Variants in PADI2 observed in about 807,000 individuals in gnomAD.
The protein encoded by PADI2 is peptidyl arginine deiminase 2, also known as protein-arginine deiminase type-2.
In PADI2, 70 loss-of-function variants were observed where a neutral mutation model predicts 81.1. That is an observed-to-expected ratio of 0.86 (90% confidence interval 0.71 to 1.05). The LOEUF is 1.05. Ranked by LOEUF, PADI2 falls within the 50% of genes least tolerant of loss-of-function variation. PADI2 has a pLI of 0.00. For synonymous variants in PADI2, 338 were observed against 358.0 expected (o/e 0.94, Z 0.63); for missense variants, 853 against 889.9 (o/e 0.96, Z 0.53).
chr1:17,097,372 T>C (rs991291504), intron 3 of PADI2, among the ~76,000 whole-genome samples: 1 of 152,208 alleles, frequency 6.6e-6, no homozygotes, highest in Non-Finnish European at 1.5e-5. Flanking sequence ...ACCCTAGACC[T>C]GCATGTGACT....
At chr1:17,110,491 C>CA (rs141074518) in intron 1 of PADI2, among the ~76,000 whole-genome samples, 3,887 of 151,972 alleles carry the variant, frequency 0.026, 191 homozygotes, top group African/African-American at 0.086. Context: ...AACGAACAAA[C>CA]AAAAAAAACC....
chr1:17,070,861 C>T (rs1314612387), intron 14 of PADI2, among the ~76,000 whole-genome samples: 1 of 152,200 alleles, frequency 6.6e-6, no homozygotes, highest in Non-Finnish European at 1.5e-5. Context: ...GGGGTTTCAA[C>T]ATGTTGGGCA....
At position 17,069,294 on chromosome 1, in the gene PADI2, C is replaced by T. The variant is rs553136582; in HGVS notation, c.1765-17G>A. The T allele has an allele frequency of 5.6e-6, 9 of 1,594,462 alleles. No homozygotes were observed. The highest frequency in any genetic ancestry group is 3.3e-5 in the Admixed American group (2 of 59,948). ...CATGTTCACCTGTGACGGGGGATTG[C>T]GATGGCAACAGCTTCCATTTAGTGA... is the stretch of plus-strand genomic sequence containing the variant. On this transcript the variant is annotated splice_polypyrimidine_tract_variant and intron_variant, in intron 15 of 15. Coordinates refer to ENST00000375486, the MANE Select transcript of PADI2 (RefSeq NM_007365.3).
intron 1 of PADI2, among the ~76,000 whole-genome samples, chr1:17,118,795 A>G (rs1931844149): frequency 6.6e-6 from 1 of 152,188 alleles, no homozygotes; most frequent in Admixed American, 6.5e-5. Flanking sequence ...GGCCGGATTC[A>G]GCCTCAGGGC....
chr1:17,118,045 T>C (rs1021363914), intron 1 of PADI2, among the ~76,000 whole-genome samples: 1 of 152,044 alleles, frequency 6.6e-6, no homozygotes. Context: ...CTGGGGCTTG[T>C]TGGTATCAGC....
chr1:17,117,896 C>T (rs1355666539), intron 1 of PADI2, among the ~76,000 whole-genome samples: 1 of 152,196 alleles, frequency 6.6e-6, no homozygotes, highest in Non-Finnish European at 1.5e-5. Context: ...GAGCCTGGAC[C>T]ACCCTCCACT....
chr1:17,075,407 CTT>C (rs1281506329), intron 12 of PADI2: 1 of 417,060 alleles, frequency 2.4e-6, no homozygotes, highest in Non-Finnish European at 4.3e-6. Context: ...TGAGTAAAAT[CTT>C]TGCCAGATTT....
intron 11 of PADI2, 54 bp from the exon 12 acceptor site, chr1:17,075,877 C>T (rs2078298768): frequency 6.4e-7 from 1 of 1,572,604 alleles, no homozygotes; most frequent in Non-Finnish European, 8.7e-7. Flanking sequence ...ACCAGAGGGC[C>T]TGCAAGAGGA....
rs1557775231 is a variant in PADI2, at chr1:17,115,166, G to A, written c.92+4114C>T. Among the ~76,000 whole-genome samples, 1 of 152,206 alleles carries A rather than the reference G, an allele frequency of 6.6e-6. No individual in the cohort carries two copies. Among genetic ancestry groups the A allele is most frequent in the Non-Finnish European group, 1.5e-5 (1 of 68,038 alleles). Reference sequence around the variant, plus strand: ...TACCTTCTTCCTATCTTCTGCCAGCGAGTTATGGGCAAATTATTACTATTT... The same window carrying A: ...TACCTTCTTCCTATCTTCTGCCAGCAAGTTATGGGCAAATTATTACTATTT... On this transcript the variant is annotated intron_variant, in intron 1 of 15. Coordinates refer to ENST00000375486, the MANE Select transcript of PADI2 (RefSeq NM_007365.3). The surrounding 1 kb of genome is among the most constrained non-coding windows in gnomAD (Gnocchi z 4.1).
At chr1:17,080,846 C>T (rs1050979418) in intron 10 of PADI2, among the ~76,000 whole-genome samples, 20 of 152,162 alleles carry the variant, frequency 1.3e-4, no homozygotes, top group Non-Finnish European at 1.9e-4. Context: ...CCAGTGGAGT[C>T]GGAGGATGTG....
intron 5 of PADI2, among the ~76,000 whole-genome samples, chr1:17,093,099 T>C (rs1449175503): frequency 6.6e-6 from 1 of 151,966 alleles, no homozygotes; most frequent in Non-Finnish European, 1.5e-5. Context: ...CTTCTTCTTC[T>C]TCTTTTTTTT....
At chr1:17,072,175 G>T (rs1175623041) in intron 13 of PADI2, among the ~76,000 whole-genome samples, 1 of 152,246 alleles carries the variant, frequency 6.6e-6, no homozygotes, top group Non-Finnish European at 1.5e-5. Context: ...TTGGTGTGCA[G>T]ATCAGGCAGT....
chr1:17,071,482 C>T lies in PADI2; in HGVS notation c.1559G>A (p.Gly520Glu). Residue 520 changes from glycine (G) to glutamate (E), a missense_variant, in exon 14 of 16, where the codon GGG becomes GAG. By Grantham distance (98) the Gly-to-Glu change is moderately conservative. Transcript: ENST00000375486. The stretch of plus-strand genomic sequence containing the variant: ...GATGGTGATTCGCTTGCTGCTCATC[C>T]CACCCAAGCCTGTGGGGTTCAAAGG... ...GEAIMFKGLG[G>E]MSSKRITINK... 6.2e-7 allele frequency: 1 copy of T among 1,613,774 alleles called. No individual in the cohort carries two copies. Among genetic ancestry groups the T allele is most frequent in the Non-Finnish European group, 8.5e-7 (1 of 1,179,674 alleles).
chr1:17,094,010 G>T lies in PADI2; in HGVS notation c.412-326C>A, dbSNP rs548762290. Among the ~76,000 whole-genome samples the T allele has an allele frequency of 2.6e-5, 4 of 152,188 alleles. No individual in the cohort carries two copies. In the East Asian group the frequency reaches 5.8e-4, roughly 22 times the overall value. On this transcript the variant is annotated intron_variant, in intron 4 of 15. Transcript: ENST00000375486. ...ATGAGCAGACAGACATTCTACCATG[G>T]GTCCCTAGGTCCCTAGGGGAGCTCA...
At chr1:17,090,057 C>T (rs1930629280) in intron 6 of PADI2, among the ~76,000 whole-genome samples, 1 of 152,130 alleles carries the variant, frequency 6.6e-6, no homozygotes, top group Non-Finnish European at 1.5e-5. Context: ...GAGGTAAGGC[C>T]CCAGTGCTTG....
intron 5 of PADI2, among the ~76,000 whole-genome samples, chr1:17,093,049 T>C (rs1438929623): frequency 6.6e-6 from 1 of 152,128 alleles, no homozygotes; most frequent in Non-Finnish European, 1.5e-5. Context: ...ATTAACCTTT[T>C]GGGAATTTCC....
Position 17,069,208 on chromosome 1 carries a change from A to C in PADI2, c.1834T>G (p.Cys612Gly). The change falls in exon 16 of 16, where the codon TGC becomes GGC. Residue 612 changes from cysteine (C) to glycine (G), a missense_variant. Physicochemically the swap from Cys to Gly is radical, Grantham distance 159 (BLOSUM62 -3). Coordinates refer to ENST00000375486, the MANE Select transcript of PADI2 (RefSeq NM_007365.3). Reference protein sequence around the residue: ...KPFGPQVEEECCLEMHVRGLL... With the variant: ...KPFGPQVEEEGCLEMHVRGLL... ...CCACGCACGTGCATCTCCAGGCAGC[A>C]TTCCTCCTCAACCTGTGGCCCGAAT... 6.2e-7 allele frequency: 1 copy of C among 1,614,236 alleles called. No individual in the cohort carries two copies. Among genetic ancestry groups the C allele is most frequent in the South Asian group, 1.1e-5 (1 of 91,088 alleles).
At chr1:17,111,481 G>C (rs920194459) in intron 1 of PADI2, among the ~76,000 whole-genome samples, 9 of 152,102 alleles carry the variant, frequency 5.9e-5, no homozygotes, top group Non-Finnish European at 1.2e-4. Context: ...GCCCCAGTCT[G>C]GGGTTCAAGG....
chr1:17,083,753 G>A lies in PADI2; in HGVS notation c.1023C>T (p.Tyr341=). 6.2e-7 allele frequency: 1 copy of A among 1,612,922 alleles called. No homozygotes were observed. Among genetic ancestry groups the A allele is most frequent in the South Asian group, 1.1e-5 (1 of 91,064 alleles). The change falls in exon 9 of 16, where the codon TAC becomes TAT. Residue 341 remains tyrosine, a synonymous_variant. Coordinates refer to ENST00000375486, the MANE Select transcript of PADI2 (RefSeq NM_007365.3). ...TNCELKVCFQ[Y]LNRGDRWIQD... Reference sequence around the variant, plus strand: ...GGATCCAGCGATCGCCTCGGTTTAGGTACTGGAAGCAGACCTTCAGCTCAC... The same window carrying A: ...GGATCCAGCGATCGCCTCGGTTTAGATACTGGAAGCAGACCTTCAGCTCAC...
Sources: allele counts gnomAD v4.1 joint callset (sites outside exome capture counted in the v4.1 genomes callset), GRCh38; gene constraint gnomAD v4.1.1; non-coding constraint Gnocchi (gnomAD v3.1); transcripts MANE v1.5; gene names NCBI Gene and HGNC (gene_info 2026-07-23, HGNC 2026-07-21).